SLCO1A2: variants seen among roughly 807,000 people sequenced by gnomAD.
SLCO1A2 encodes the protein solute carrier organic anion transporter family member 1A2, also known as OATP-1.
In SLCO1A2, 67 loss-of-function variants were observed where a neutral mutation model predicts 69.0. That is an observed-to-expected ratio of 0.97 (90% CI 0.80 to 1.19). The LOEUF is 1.19. SLCO1A2 is among the 50% of genes most tolerant of loss of function. SLCO1A2 has a pLI of 0.00. For missense variants in SLCO1A2, 787 were observed against 793.7 expected (o/e 0.99, Z 0.10); for synonymous variants, 260 against 265.9 (o/e 0.98, Z 0.22).
intron 14 of SLCO1A2, among the ~76,000 whole-genome samples, chr12:21,272,811 A>AT: frequency 6.6e-6 from 1 of 152,158 alleles, no homozygotes; most frequent in East Asian, 1.9e-4. Context: ...TTTCTTATGA[A>AT]TTACCACTAC....
At chr12:21,398,912 A>C (rs1941582211), upstream of SLCO1A2, among the ~76,000 whole-genome samples, 1 of 150,582 alleles carries the variant, frequency 6.6e-6, no homozygotes, top group South Asian at 2.1e-4. Flanking sequence ...ACCCACAGCC[A>C]ATGTCATACT....
intron 2 of SLCO1A2, among the ~76,000 whole-genome samples, chr12:21,360,643 G>A (rs1289319159): frequency 2.6e-5 from 4 of 152,200 alleles, no homozygotes; most frequent in Admixed American, 6.5e-5. Context: ...CTAGCAAAGG[G>A]AAGCCATGAC....
intron 1 of SLCO1A2, among the ~76,000 whole-genome samples, chr12:21,387,699 T>A (rs1055724257): frequency 6.6e-6 from 1 of 152,142 alleles, no homozygotes; most frequent in African/African-American, 2.4e-5. Flanking sequence ...AGAAGGGACA[T>A]GCGGGGTTGG....
In SLCO1A2 at chr12:21,269,131, C is replaced by T. The variant is rs41275202; in HGVS notation, c.*417G>A. The T allele has an allele frequency of 0.018, 2,733 of 153,624 alleles. 29 individuals carry two copies. The highest frequency in any genetic ancestry group is 0.03 in the Non-Finnish European group (2,052 of 69,054). The allele number at this position is 153,624 out of a possible 1,614,324, so 9.5% of individuals were successfully genotyped here. ...ATAAACTTGAATAAAATATTTAAAT[C>T]TTCACATAACAGAATGAGAATTTAG... is the stretch of plus-strand genomic sequence containing the variant. On this transcript the variant is annotated 3_prime_UTR_variant, in exon 15 of 15. Coordinates refer to ENST00000683939, the MANE Select transcript of SLCO1A2 (RefSeq NM_001386879.1).
intron 2 of SLCO1A2, chr12:21,373,503 A>C: frequency 2.1e-6 from 2 of 973,724 alleles, no homozygotes; most frequent in Admixed American, 1.7e-5. Context: ...AAATACTGTC[A>C]AATAACTACA....
intron 2 of SLCO1A2, among the ~76,000 whole-genome samples, chr12:21,340,684 A>C (rs1302463042): frequency 6.6e-6 from 1 of 151,770 alleles, no homozygotes; most frequent in Non-Finnish European, 1.5e-5. Flanking sequence ...TTTAAGCCAC[A>C]TTTCCTACTA....
intron 2 of SLCO1A2, among the ~76,000 whole-genome samples, chr12:21,367,432 A>C (rs1299752423): frequency 6.6e-6 from 1 of 152,164 alleles, no homozygotes; most frequent in Non-Finnish European, 1.5e-5. Context: ...GTTTGGAGAA[A>C]AGCAGAAGGT....
At position 21,269,706 on chromosome 12, in the gene SLCO1A2, T is replaced by C; in HGVS notation, c.1855A>G (p.Ile619Val). The C allele has an allele frequency of 1.9e-6, 3 of 1,612,662 alleles. No homozygotes were observed. Among genetic ancestry groups the C allele is most frequent in the Non-Finnish European group, 2.5e-6 (3 of 1,179,000 alleles). Reference sequence around the variant, plus strand: ...TGACACTTCCTCAAAAGAATTAAGATGATTAAGGCTGGAACAAAGCTTGAT... The same window carrying C: ...TGACACTTCCTCAAAAGAATTAAGACGATTAAGGCTGGAACAAAGCTTGAT... ...RGSSFVPALI[I>V]LILLRKCHLP... is the part of the protein sequence containing the mutation. The change falls in exon 15 of 15, where the codon ATC (isoleucine) becomes GTC (valine). Residue 619 changes from isoleucine (I) to valine (V), a missense_variant. Coordinates refer to ENST00000683939, the MANE Select transcript of SLCO1A2 (RefSeq NM_001386879.1).
At chr12:21,381,353 A>G (rs1324456431) in intron 1 of SLCO1A2, among the ~76,000 whole-genome samples, 2 of 152,272 alleles carry the variant, frequency 1.3e-5, no homozygotes, top group Admixed American at 1.3e-4. Context: ...AAAGTGGGCA[A>G]AGGACATGAA....
chr12:21,278,454 T>A (rs74066047), intron 12 of SLCO1A2, among the ~76,000 whole-genome samples: 1 of 151,836 alleles, frequency 6.6e-6, no homozygotes, highest in African/African-American at 2.4e-5. Context: ...CTGTGCTGGA[T>A]TCCAATCTAA....
At chr12:21,299,538 TAG>T (rs1948253893) in intron 8 of SLCO1A2, among the ~76,000 whole-genome samples, 1 of 151,100 alleles carries the variant, frequency 6.6e-6, no homozygotes, top group Non-Finnish European at 1.5e-5. Flanking sequence ...CTACCAAGTA[TAG>T]AGAGGTGGGT....
intron 10 of SLCO1A2, chr12:21,295,373 C>A (rs1393481423): frequency 6.5e-6 from 3 of 458,400 alleles, no homozygotes; most frequent in African/African-American, 2.0e-5. Context: ...CATGCACATA[C>A]AATCATAAAT....
intron 2 of SLCO1A2, among the ~76,000 whole-genome samples, chr12:21,348,220 A>G (rs908330681): frequency 2.0e-5 from 3 of 152,206 alleles, no homozygotes; most frequent in Non-Finnish European, 2.9e-5. Context: ...CATCCCCTCA[A>G]GCATTTAACC....
chr12:21,332,202 C>A (rs1176625031), intron 2 of SLCO1A2, among the ~76,000 whole-genome samples: 1 of 152,106 alleles, frequency 6.6e-6, no homozygotes, highest in East Asian at 1.9e-4. Flanking sequence ...CATAATGCAT[C>A]AATCAATACA....
At chr12:21,418,848 T>G (rs897743692), upstream of SLCO1A2, among the ~76,000 whole-genome samples, 1 of 152,130 alleles carries the variant, frequency 6.6e-6, no homozygotes, top group Non-Finnish European at 1.5e-5. Flanking sequence ...CTACCACCTG[T>G]AGGCAAAATT....
intron 1 of SLCO1A2, among the ~76,000 whole-genome samples, chr12:21,414,827 G>A (rs1941964771): frequency 6.6e-6 from 1 of 151,980 alleles, no homozygotes. Context: ...TTATTAATTT[G>A]CATTCAAGTA....
chr12:21,398,126 G>C (rs1382540632), upstream of SLCO1A2, among the ~76,000 whole-genome samples: 14 of 145,924 alleles, frequency 9.6e-5, no homozygotes, highest in African/African-American at 3.5e-4. Flanking sequence ...TAGACCACTA[G>C]CAAGACTAAT....
At chr12:21,310,824 T>C (rs61927776) in intron 4 of SLCO1A2, among the ~76,000 whole-genome samples, 14,833 of 152,210 alleles carry the variant, frequency 0.097, 962 homozygotes, top group Non-Finnish European at 0.15. Flanking sequence ...AGGATGGTCT[T>C]GATCTCCTGA....
At position 21,334,905 on chromosome 12, in the gene SLCO1A2, A is replaced by C. The variant is rs1952829546; in HGVS notation, c.-141T>G. 2 of 369,968 alleles carry C rather than the reference A, an allele frequency of 5.4e-6. No individual in the cohort carries two copies. Among genetic ancestry groups the C allele is most frequent in the African/African-American group, 4.2e-5 (2 of 47,140 alleles). The allele number at this position is 369,968 out of a possible 1,614,324, so 22.9% of individuals were successfully genotyped here. A position where few individuals can be genotyped will look rare whatever the true frequency, so the allele number is the denominator to read the frequency against. On this transcript the variant is annotated 5_prime_UTR_variant, in exon 1 of 15. An upstream start codon of the reference 5' UTR is lost. Coordinates refer to ENST00000683939, the MANE Select transcript of SLCO1A2 (RefSeq NM_001386879.1). ...GTTGGTTTTCTATTTCAAAAGGTAC[A>C]TCAAATAACTTTAGTGACTCTTTAG...
Sources: allele counts gnomAD v4.1 joint callset (sites outside exome capture counted in the v4.1 genomes callset), GRCh38; gene constraint gnomAD v4.1.1; transcripts MANE v1.5; gene names NCBI Gene and HGNC (gene_info 2026-07-23, HGNC 2026-07-21).